Variants in SNX29 observed in about 807,000 individuals in gnomAD.
The protein encoded by SNX29 is sorting nexin 29.
In SNX29, 78 loss-of-function variants were observed where a neutral mutation model predicts 102.1. The observed-to-expected ratio is 0.76, with a 90% CI of 0.64 to 0.92. SNX29 has a LOEUF of 0.92. SNX29 is among the 40% of genes least tolerant of loss of function. The probability of loss-of-function intolerance (pLI) is 0.00; values close to 1 mark genes in which losing one functional copy is unlikely to be tolerated. For missense variants in SNX29, 1,280 were observed against 1,061.7 expected (o/e 1.21, Z -2.86); for synonymous variants, 580 against 414.5 (o/e 1.40, Z -4.85).
At chr16:12,000,638 C>T (rs1254142214) in intron 2 of SNX29, 1 of 153,028 alleles carries the variant, frequency 6.5e-6, no homozygotes, top group Non-Finnish European at 1.5e-5. Flanking sequence ...ATCCTCCCAC[C>T]TTAGCCTCCT....
chr16:12,233,069 C>G (rs2077818120), intron 14 of SNX29, among the ~76,000 whole-genome samples: 1 of 152,118 alleles, frequency 6.6e-6, no homozygotes, highest in African/African-American at 2.4e-5. Flanking sequence ...CTGGAAATGC[C>G]TTCCTCTTTG....
At chr16:12,373,886 A>G (rs931694894) in intron 16 of SNX29, 1 of 152,264 alleles carries the variant, frequency 6.6e-6, no homozygotes, top group African/African-American at 2.4e-5. Context: ...TGTCAAATAT[A>G]AAGAGATATC....
chr16:12,419,654 C>T (rs1328181254), intron 18 of SNX29, among the ~76,000 whole-genome samples: 4 of 152,004 alleles, frequency 2.6e-5, no homozygotes, highest in Non-Finnish European at 4.4e-5. Flanking sequence ...GGTTGCAGCT[C>T]CAGGCCTGCA....
intron 20 of SNX29, among the ~76,000 whole-genome samples, chr16:12,554,318 A>C (rs1000658565): frequency 3.3e-5 from 5 of 152,170 alleles, no homozygotes; most frequent in Admixed American, 6.5e-5. Flanking sequence ...TTTTAACTAA[A>C]ATGGGACCAG....
At chr16:12,099,593 T>C (rs1392727391) in intron 11 of SNX29, among the ~76,000 whole-genome samples, 2 of 152,136 alleles carry the variant, frequency 1.3e-5, no homozygotes, top group Non-Finnish European at 2.9e-5. Context: ...TGGCCCGGAC[T>C]CCCGGTGAGG....
At chr16:12,466,874 C>G (rs576762295) in intron 18 of SNX29, among the ~76,000 whole-genome samples, 54 of 152,152 alleles carry the variant, frequency 3.5e-4, no homozygotes, top group Non-Finnish European at 6.9e-4. Context: ...CATGAGTCCT[C>G]TAACAGAGGC....
chr16:12,040,515 A>G (rs1299791788), intron 4 of SNX29, among the ~76,000 whole-genome samples: 7 of 152,264 alleles, frequency 4.6e-5, no homozygotes, highest in Non-Finnish European at 1.0e-4. Flanking sequence ...TAGGTTTCCC[A>G]TAACGCCTTA....
intron 3 of SNX29, among the ~76,000 whole-genome samples, chr16:12,008,949 T>A (rs1596579373): frequency 6.6e-6 from 1 of 151,268 alleles, no homozygotes; most frequent in South Asian, 2.1e-4. Context: ...ACTATGTTGG[T>A]CAGGCTGGTC....
intron 20 of SNX29, among the ~76,000 whole-genome samples, chr16:12,554,335 T>G (rs2141380742): frequency 6.6e-6 from 1 of 151,970 alleles, no homozygotes; most frequent in East Asian, 2.0e-4. Flanking sequence ...CCAGATGTCT[T>G]TTGTTCTGTA....
chr16:12,461,918 T>G (rs2086789603), intron 18 of SNX29, among the ~76,000 whole-genome samples: 2 of 124,366 alleles, frequency 1.6e-5, no homozygotes, highest in South Asian at 5.6e-4. Context: ...ATTGCGCCAC[T>G]GCACTCCAAC....
At chr16:12,074,068 C>T (rs960068123) in intron 10 of SNX29, among the ~76,000 whole-genome samples, 1 of 151,866 alleles carries the variant, frequency 6.6e-6, no homozygotes, top group African/African-American at 2.4e-5. Context: ...TGTGTCTCTG[C>T]ACGTGAGATG....
chr16:11,991,677 A>C (rs896947514), intron 1 of SNX29, among the ~76,000 whole-genome samples: 3 of 148,198 alleles, frequency 2.0e-5, no homozygotes, highest in African/African-American at 7.5e-5. Flanking sequence ...CAATTAGCTG[A>C]GATTACAGGT....
chr16:12,511,699 G>A (rs2089628121), intron 19 of SNX29, among the ~76,000 whole-genome samples: 1 of 152,178 alleles, frequency 6.6e-6, no homozygotes, highest in African/African-American at 2.4e-5. Context: ...ATGCTGTGGT[G>A]TAGTCTCCGA....
intron 1 of SNX29, among the ~76,000 whole-genome samples, chr16:11,994,692 A>T (rs556612024): frequency 3.0e-4 from 46 of 152,328 alleles, no homozygotes; most frequent in African/African-American, 1.1e-3. Context: ...GTAGGTGGGC[A>T]CATTGTTCCT....
At chr16:12,477,440 C>G (rs561903386) in intron 18 of SNX29, among the ~76,000 whole-genome samples, 1 of 152,350 alleles carries the variant, frequency 6.6e-6, no homozygotes, top group East Asian at 1.9e-4. Context: ...AAACATGCAT[C>G]TCTGCTATTA....
intron 20 of SNX29, among the ~76,000 whole-genome samples, chr16:12,562,539 G>A (rs1339280739): frequency 1.3e-5 from 2 of 152,276 alleles, no homozygotes; most frequent in East Asian, 1.9e-4. Flanking sequence ...GACACAGCCA[G>A]GAGTCATCTA....
rs756036380 is a variant in SNX29 at position 12,567,919 on chromosome 16, C to A, written c.2319-587C>A. 2.0e-5 allele frequency among the ~76,000 whole-genome samples: 3 copies of A among 152,302 alleles called. No individual in the cohort carries two copies. In the East Asian group the frequency reaches 5.8e-4, roughly 29 times the overall value. On this transcript the variant is annotated intron_variant, in intron 20 of 20. Transcript: ENST00000566228. ...AGACCCATGCCCTGGGACCCACACA[C>A]GCTGTGTGTTCGCGTTGCTTCAGAA...
chr16:12,363,397 T>G (rs1286198089), intron 16 of SNX29, among the ~76,000 whole-genome samples: 2 of 152,192 alleles, frequency 1.3e-5, no homozygotes, highest in Non-Finnish European at 2.9e-5. Context: ...CCACACTGGA[T>G]TAGGCTTCCT....
chr16:11,989,458 A>G (rs1014531270), intron 1 of SNX29, among the ~76,000 whole-genome samples: 3 of 152,044 alleles, frequency 2.0e-5, no homozygotes, highest in Non-Finnish European at 4.4e-5. Context: ...TCACCCTACA[A>G]TACTGGGAGA....
Sources: gnomAD v4.1 joint callset for allele counts (sites outside exome capture counted in the v4.1 genomes callset) on GRCh38, gnomAD v4.1.1 for gene constraint, MANE v1.5 for transcripts, NCBI Gene and HGNC (gene_info 2026-07-23, HGNC 2026-07-21) for gene names.